GIPC2: variants seen among roughly 807,000 people sequenced by gnomAD.
GIPC2 encodes the protein GIPC PDZ domain containing family member 2.
GIPC2 carries 30 observed loss-of-function variants against 30.6 expected under a neutral mutation model. The ratio of observed to expected loss-of-function variants is 0.98; its 90% confidence interval spans 0.73 to 1.33. The LOEUF is 1.33. GIPC2 is among the 40% of genes most tolerant of loss of function. GIPC2 has a pLI of 0.00. For synonymous variants in GIPC2, 167 were observed against 150.0 expected, an observed-to-expected ratio of 1.11 and a Z score of -0.83; for missense variants, 414 against 390.3, an observed-to-expected ratio of 1.06 and a Z score of -0.51.
intron 1 of GIPC2, among the ~76,000 whole-genome samples, chr1:78,061,362 A>G (rs1661388477): frequency 6.6e-6 from 1 of 152,106 alleles, no homozygotes; most frequent in African/African-American, 2.4e-5. Context: ...ACTGGCCTTC[A>G]TTACTCATCT....
chr1:78,059,803 A>C (rs1388157902), intron 1 of GIPC2, among the ~76,000 whole-genome samples: 1 of 152,182 alleles, frequency 6.6e-6, no homozygotes, highest in East Asian at 1.9e-4. Flanking sequence ...AAGAAAAAAT[A>C]AATAAAGTCA....
intron 3 of GIPC2, among the ~76,000 whole-genome samples, chr1:78,111,732 A>G (rs1347032021): frequency 6.6e-6 from 1 of 152,236 alleles, no homozygotes; most frequent in Non-Finnish European, 1.5e-5. Flanking sequence ...CAATGGGCAA[A>G]GCATCTTTCA....
chr1:78,077,872 A>C (rs910026132), intron 1 of GIPC2, among the ~76,000 whole-genome samples: 2 of 152,220 alleles, frequency 1.3e-5, no homozygotes, highest in Non-Finnish European at 2.9e-5. Context: ...GTGAATGAGC[A>C]GGAACTTTGC....
intron 2 of GIPC2, among the ~76,000 whole-genome samples, chr1:78,082,364 T>C (rs571255): frequency 0.23 from 34,332 of 152,154 alleles, 4,212 homozygotes; most frequent in East Asian, 0.5. Flanking sequence ...TAAATAATCT[T>C]AGGGAAGTTA....
intron 3 of GIPC2, among the ~76,000 whole-genome samples, chr1:78,115,390 G>C (rs1406875151): frequency 6.6e-6 from 1 of 152,180 alleles, no homozygotes; most frequent in Admixed American, 6.5e-5. Flanking sequence ...ACCATACCAA[G>C]TAGGTTGCTT....
chr1:78,081,405 A>G (rs1392033679), intron 2 of GIPC2, among the ~76,000 whole-genome samples: 1 of 152,204 alleles, frequency 6.6e-6, no homozygotes, highest in Non-Finnish European at 1.5e-5. Context: ...TTCCTAAACA[A>G]TACAGTACAA....
intron 3 of GIPC2, among the ~76,000 whole-genome samples, chr1:78,107,042 C>T (rs985237607): frequency 6.7e-6 from 1 of 150,124 alleles, no homozygotes; most frequent in Non-Finnish European, 1.5e-5. Flanking sequence ...TCCCTCCCTC[C>T]CTTCCCTTCC....
At chr1:78,083,314 T>C (rs544045096) in intron 2 of GIPC2, among the ~76,000 whole-genome samples, 3 of 152,306 alleles carry the variant, frequency 2.0e-5, no homozygotes, top group East Asian at 3.9e-4. Flanking sequence ...GATAAATAGA[T>C]TGTGCATTTT....
Position 78,106,433 on chromosome 1 carries a change from G to T in GIPC2, c.607+11301G>T, listed in dbSNP as rs186647817. ...AAATTAGCCAGGCATGGTGGCAGGC[G>T]CCTGTAGTCCCAGCTACTTGGAAGG... is the stretch of plus-strand genomic sequence containing the variant. On this transcript the variant is annotated intron_variant, in intron 3 of 5. Coordinates refer to ENST00000370759, the MANE Select transcript of GIPC2 (RefSeq NM_017655.6). Among the ~76,000 whole-genome samples the T allele has an allele frequency of 1.9e-4, 28 of 150,926 alleles. No homozygotes were observed. In the East Asian group the frequency reaches 5.4e-3, roughly 29 times the overall value.
intron 2 of GIPC2, among the ~76,000 whole-genome samples, chr1:78,085,684 T>C (rs1469937804): frequency 1.3e-5 from 2 of 152,062 alleles, no homozygotes; most frequent in Non-Finnish European, 2.9e-5. Flanking sequence ...TCATCTCTTC[T>C]AGTTTTCTAG....
At chr1:78,052,123 T>A (rs1042299955) in intron 1 of GIPC2, among the ~76,000 whole-genome samples, 4 of 152,170 alleles carry the variant, frequency 2.6e-5, no homozygotes, top group Non-Finnish European at 4.4e-5. Context: ...GACTTTTGCA[T>A]TGGTTTTTGC....
rs1661140115 is a variant in GIPC2 at position 78,048,605 on chromosome 1, T to G, written c.240+2271T>G. ...CCACATCTGGCTAATTAAAAAAACT[T>G]TTTTTTAGAGATGTGGTTTTTCTGT... On this transcript the variant is annotated intron_variant, in intron 1 of 5. Coordinates refer to ENST00000370759, the MANE Select transcript of GIPC2 (RefSeq NM_017655.6). Among the ~76,000 whole-genome samples, 4 of 152,046 alleles carry G rather than the reference T, an allele frequency of 2.6e-5. No homozygotes were observed. In the South Asian group the frequency reaches 8.3e-4, roughly 32 times the overall value.
chr1:78,077,896 T>C (rs938300809), intron 1 of GIPC2, among the ~76,000 whole-genome samples: 2 of 152,220 alleles, frequency 1.3e-5, no homozygotes, highest in Non-Finnish European at 2.9e-5. Context: ...CTTTAGAAAC[T>C]AGTGTATCAC....
chr1:78,124,001 A>T (rs1264310216), intron 4 of GIPC2, among the ~76,000 whole-genome samples: 2 of 152,244 alleles, frequency 1.3e-5, no homozygotes, highest in East Asian at 1.9e-4. Context: ...TTGCTATAAA[A>T]TGCATGATTT....
intron 5 of GIPC2, among the ~76,000 whole-genome samples, chr1:78,134,247 A>T (rs1662959485): frequency 6.6e-6 from 1 of 151,940 alleles, no homozygotes; most frequent in African/African-American, 2.4e-5. Flanking sequence ...CATAGGGTTC[A>T]TTCTTATTTT....
rs1051090552 is a variant in GIPC2 at position 78,138,101 on chromosome 1, A to G, written c.*2358A>G. ...CTTGCAATGGCCACTAATAGCACAC[A>G]ATGCGTTTTCTTTGATTGTAGCAGA... On this transcript the variant is annotated 3_prime_UTR_variant, in exon 6 of 6. Transcript: ENST00000370759. The G allele has an allele frequency of 6.6e-6, 1 of 152,114 alleles. No homozygotes were observed. Among genetic ancestry groups the G allele is most frequent in the African/African-American group, 2.4e-5 (1 of 41,420 alleles). 9.4% of individuals were successfully genotyped at this position (152,114 alleles called of 1,614,324 possible).
At chr1:78,084,459 C>T (rs1217149401) in intron 2 of GIPC2, among the ~76,000 whole-genome samples, 3 of 148,446 alleles carry the variant, frequency 2.0e-5, no homozygotes, top group Non-Finnish European at 3.0e-5. Flanking sequence ...TGCAATGAGC[C>T]GAGATCATGT....
intron 3 of GIPC2, among the ~76,000 whole-genome samples, chr1:78,097,962 C>T (rs147803337): frequency 0.016 from 2,499 of 152,270 alleles, 44 homozygotes; most frequent in South Asian, 0.08. Context: ...TATGATACAC[C>T]TACCAAAATC....
chr1:78,074,364 C>T (rs758721329), intron 1 of GIPC2, among the ~76,000 whole-genome samples: 1 of 152,148 alleles, frequency 6.6e-6, no homozygotes, highest in Non-Finnish European at 1.5e-5. Context: ...GTAGTTGAGA[C>T]TACAGGCATG....
Sources: allele counts gnomAD v4.1 joint callset (sites outside exome capture counted in the v4.1 genomes callset), GRCh38; gene constraint gnomAD v4.1.1; transcripts MANE v1.5; gene names NCBI Gene and HGNC (gene_info 2026-07-23, HGNC 2026-07-21).